Variants in ADAMTSL1 observed in about 807,000 individuals in gnomAD.
The protein encoded by ADAMTSL1 is ADAMTS-like protein 1.
Under a neutral mutation model 201.8 loss-of-function variants are expected in ADAMTSL1, and 126 were observed. The observed-to-expected ratio is 0.62, with a 90% CI of 0.54 to 0.72. The LOEUF (loss-of-function observed/expected upper bound fraction) is 0.72, where lower values mean the gene tolerates loss of function less well. ADAMTSL1 is among the 30% of genes least tolerant of loss of function. The pLI is 0.00. For synonymous variants in ADAMTSL1, 1,121 were observed against 903.4 expected, an observed-to-expected ratio of 1.24 and a Z score of -4.32; for missense variants, 2,679 against 2,277.8, an observed-to-expected ratio of 1.18 and a Z score of -3.59.
intron 1 of ADAMTSL1, among the ~76,000 whole-genome samples, chr9:18,049,693 G>A (rs1309935945): frequency 6.6e-6 from 1 of 150,410 alleles, no homozygotes; most frequent in Non-Finnish European, 1.5e-5. Flanking sequence ...GTGCCATCTT[G>A]GCTCACTGCA....
intron 1 of ADAMTSL1, among the ~76,000 whole-genome samples, chr9:17,908,358 G>C (rs773599948): frequency 1.1e-3 from 167 of 152,342 alleles, no homozygotes; most frequent in Admixed American, 2.0e-3. Context: ...ATCCTGGAGG[G>C]AGAGGGGAGG....
intron 20 of ADAMTSL1, among the ~76,000 whole-genome samples, chr9:18,802,263 C>T (rs1199515403): frequency 3.3e-5 from 5 of 151,946 alleles, no homozygotes; most frequent in African/African-American, 1.2e-4. Context: ...AGAGTAAGAC[C>T]CTGTCTCCAA....
chr9:18,791,807 A>G (rs929474628), intron 19 of ADAMTSL1, among the ~76,000 whole-genome samples: 1 of 152,204 alleles, frequency 6.6e-6, no homozygotes. Context: ...CATGATCTAC[A>G]TGTCACCGTT....
intron 1 of ADAMTSL1, among the ~76,000 whole-genome samples, chr9:18,138,170 G>T (rs1200267933): frequency 6.6e-6 from 1 of 152,192 alleles, no homozygotes; most frequent in Non-Finnish European, 1.5e-5. Context: ...CCTCATGGGA[G>T]TATGGCGAAA....
intron 1 of ADAMTSL1, among the ~76,000 whole-genome samples, chr9:17,927,290 A>G (rs2131308307): frequency 6.6e-6 from 1 of 152,324 alleles, no homozygotes; most frequent in East Asian, 1.9e-4. Context: ...GTATATGTAC[A>G]TGTGTATGTA....
chr9:18,399,280 CATATATATATATAT>C (rs561622408), intron 2 of ADAMTSL1, among the ~76,000 whole-genome samples: 550 of 30,998 alleles, frequency 0.018, 9 homozygotes, highest in African/African-American at 0.033. Flanking sequence ...GTCTGCTTTA[CATATATATATATAT>C]ATATATATAT....
At chr9:18,718,388 A>T in intron 14 of ADAMTSL1, 1 of 703,326 alleles carries the variant, frequency 1.4e-6, no homozygotes, top group South Asian at 1.4e-5. Context: ...ACTGCTGTGC[A>T]TCTACTTCAA....
At chr9:17,916,132 A>G (rs1826083907) in intron 1 of ADAMTSL1, among the ~76,000 whole-genome samples, 1 of 152,168 alleles carries the variant, frequency 6.6e-6, no homozygotes, top group Admixed American at 6.5e-5. Flanking sequence ...TGCTGGCCAG[A>G]CTGGTCTCGA....
intron 1 of ADAMTSL1, among the ~76,000 whole-genome samples, chr9:18,032,361 C>T (rs1321140821): frequency 1.3e-5 from 2 of 152,196 alleles, no homozygotes; most frequent in Admixed American, 6.5e-5. Flanking sequence ...ACAGCTTTGT[C>T]CTCTGGACCC....
At chr9:18,633,586 C>G (rs1320143727) in intron 5 of ADAMTSL1, among the ~76,000 whole-genome samples, 1 of 150,466 alleles carries the variant, frequency 6.6e-6, no homozygotes, top group African/African-American at 2.4e-5. Context: ...CAAAGTGAGA[C>G]TCCATCTCAA....
chr9:18,232,585 G>A (rs920578188), intron 2 of ADAMTSL1, among the ~76,000 whole-genome samples: 32 of 152,148 alleles, frequency 2.1e-4, no homozygotes, highest in African/African-American at 7.5e-4. Context: ...TGTGTTGATT[G>A]ATTGATTGAA....
At chr9:18,106,620 A>G (rs1485783654) in intron 1 of ADAMTSL1, among the ~76,000 whole-genome samples, 1 of 152,240 alleles carries the variant, frequency 6.6e-6, no homozygotes, top group African/African-American at 2.4e-5. Flanking sequence ...TGATCAAAAT[A>G]ACAGAGTGTA....
chr9:18,461,299 T>C (rs1037005586), intron 2 of ADAMTSL1, among the ~76,000 whole-genome samples: 4 of 152,212 alleles, frequency 2.6e-5, no homozygotes, highest in Non-Finnish European at 5.9e-5. Flanking sequence ...TTTTTCTCTT[T>C]AATTTTGTGA....
intron 2 of ADAMTSL1, among the ~76,000 whole-genome samples, chr9:18,205,016 T>G (rs1404565595): frequency 6.6e-6 from 1 of 152,150 alleles, no homozygotes; most frequent in Non-Finnish European, 1.5e-5. Flanking sequence ...TTTCTCAAGG[T>G]CTCACAATCT....
At chr9:18,347,880 A>G (rs746879289) in intron 2 of ADAMTSL1, among the ~76,000 whole-genome samples, 4 of 152,168 alleles carry the variant, frequency 2.6e-5, no homozygotes, top group Admixed American at 6.5e-5. Flanking sequence ...ATGTGGGCAC[A>G]TTCCCAAAAG....
At chr9:18,848,119 C>T (rs1014207327) in intron 23 of ADAMTSL1, among the ~76,000 whole-genome samples, 1 of 152,152 alleles carries the variant, frequency 6.6e-6, no homozygotes, top group Non-Finnish European at 1.5e-5. Flanking sequence ...GCTCTGTCTG[C>T]CTGGCCCTGA....
At chr9:18,477,404 T>A (rs1821506850) in intron 1 of ADAMTSL1, among the ~76,000 whole-genome samples, 1 of 152,362 alleles carries the variant, frequency 6.6e-6, no homozygotes, top group South Asian at 2.1e-4. Flanking sequence ...AATTTATACA[T>A]GGCAACTAGT....
chr9:18,621,556 C>CCACACACACA lies in ADAMTSL1; in HGVS notation c.475-652_475-643dup, dbSNP rs57351480. ...CTGCCCTTCATGCAACCGTCCTCTTCCACACACACACACACACACACACAC... is the reference window on the plus strand; with the variant it reads ...CTGCCCTTCATGCAACCGTCCTCTTCCACACACACACACACACACACACACACACACACAC... On this transcript the variant is annotated intron_variant, in intron 4 of 28. Coordinates refer to ENST00000380548, the MANE Select transcript of ADAMTSL1 (RefSeq NM_001040272.6). Among the ~76,000 whole-genome samples, 1,114 of 143,706 alleles carry CCACACACACA rather than the reference C, an allele frequency of 7.8e-3. 10 individuals are homozygous for CCACACACACA. Among genetic ancestry groups the CCACACACACA allele is most frequent in the East Asian group, 0.03 (150 of 4,940 alleles). The allele number at this position is 143,706 out of a possible 152,430, so 94.3% of individuals were successfully genotyped here. A position where few individuals can be genotyped will look rare whatever the true frequency, so the allele number is the denominator to read the frequency against.
chr9:18,440,751 A>T (rs1464160080), intron 2 of ADAMTSL1, among the ~76,000 whole-genome samples: 1 of 152,096 alleles, frequency 6.6e-6, no homozygotes, highest in Non-Finnish European at 1.5e-5. Flanking sequence ...TCCAGTAATT[A>T]TTACTGACAT....
Sources: allele counts gnomAD v4.1 joint callset (sites outside exome capture counted in the v4.1 genomes callset), GRCh38; gene constraint gnomAD v4.1.1; transcripts MANE v1.5; gene names NCBI Gene and HGNC (gene_info 2026-07-23, HGNC 2026-07-21).